The following SLC44A1 variants were observed in gnomAD, a reference collection of about 807,000 sequenced individuals.
SLC44A1 encodes the protein choline transporter-like protein 1.
In SLC44A1, 26 loss-of-function variants were observed where a neutral mutation model predicts 79.3. The observed-to-expected ratio is 0.33, with a 90% CI of 0.24 to 0.46. SLC44A1 has a LOEUF of 0.46. SLC44A1 is among the 20% of genes least tolerant of loss of function. The pLI is 1.00. For missense variants in SLC44A1, 688 were observed against 798.1 expected, an observed-to-expected ratio of 0.86 and a Z score of 1.66; for synonymous variants, 263 against 286.2, an observed-to-expected ratio of 0.92 and a Z score of 0.82.
intron 1 of SLC44A1, among the ~76,000 whole-genome samples, chr9:105,276,616 G>A (rs1037818921): frequency 2.2e-5 from 3 of 135,060 alleles, no homozygotes; most frequent in African/African-American, 6.2e-5. Context: ...GTGTGTGTGT[G>A]TGTATGTGCC....
chr9:105,376,145 G>A (rs1828274984), intron 13 of SLC44A1, among the ~76,000 whole-genome samples: 1 of 152,084 alleles, frequency 6.6e-6, no homozygotes, highest in Non-Finnish European at 1.5e-5. Flanking sequence ...AAGAAAATAT[G>A]TTTGGCATGG....
chr9:105,275,682 C>T (rs1830181852), intron 1 of SLC44A1, among the ~76,000 whole-genome samples: 1 of 152,180 alleles, frequency 6.6e-6, no homozygotes, highest in Non-Finnish European at 1.5e-5. Context: ...ATTTGATCTA[C>T]ATGTCTGGTT....
chr9:105,317,795 T>C (rs1831367360), intron 3 of SLC44A1, among the ~76,000 whole-genome samples: 1 of 152,226 alleles, frequency 6.6e-6, no homozygotes, highest in Admixed American at 6.5e-5. Context: ...TATACATTTG[T>C]CCATTGGACT....
At position 105,361,338 on chromosome 9, in the gene SLC44A1, T is replaced by C; in HGVS notation, c.900+8T>C. On this transcript the variant is annotated splice_region_variant and intron_variant, in intron 8 of 15. Coordinates refer to ENST00000374720, the MANE Select transcript of SLC44A1 (RefSeq NM_080546.5). ...TCAGCTACAGTGTTCACAGTGAGTT[T>C]AGGCTTTGGCGTGTCTTTCGGTTTT... The C allele has an allele frequency of 6.3e-7, 1 of 1,583,626 alleles. No homozygotes were observed. The highest frequency in any genetic ancestry group is 8.6e-7 in the Non-Finnish European group (1 of 1,167,488).
intron 1 of SLC44A1, among the ~76,000 whole-genome samples, chr9:105,259,481 G>C (rs1396848412): frequency 6.6e-6 from 1 of 152,176 alleles, no homozygotes; most frequent in Non-Finnish European, 1.5e-5. Context: ...TGCACATTAA[G>C]ATCAAATTAC....
intron 1 of SLC44A1, among the ~76,000 whole-genome samples, chr9:105,271,006 AC>A (rs1319075629): frequency 6.6e-6 from 1 of 152,244 alleles, no homozygotes; most frequent in African/African-American, 2.4e-5. Context: ...GCATCTTAAA[AC>A]GGTAAAAACT....
rs902151013 is a variant in SLC44A1, at chr9:105,268,727, A to T, written c.36+23823A>T. Among the ~76,000 whole-genome samples the T allele has an allele frequency of 8.1e-5, 12 of 149,068 alleles. No individual in the cohort carries two copies. In the South Asian group the frequency reaches 8.3e-4, roughly 10 times the overall value. ...GTTAATCAGGCTGGTCTCGAACTCC[A>T]ACCTCAGGTGATCCGCCCGCCTTGG... On this transcript the variant is annotated intron_variant, in intron 1 of 15. Coordinates refer to ENST00000374720, the MANE Select transcript of SLC44A1 (RefSeq NM_080546.5).
At chr9:105,280,286 G>A (rs777494500) in intron 1 of SLC44A1, among the ~76,000 whole-genome samples, 23 of 152,192 alleles carry the variant, frequency 1.5e-4, no homozygotes, top group Non-Finnish European at 3.2e-4. Flanking sequence ...TAGGATTCCA[G>A]GTCTAGCTCT....
intron 14 of SLC44A1, among the ~76,000 whole-genome samples, chr9:105,384,578 C>G (rs1410838): frequency 0.98 from 148,490 of 152,290 alleles, 72,398 homozygotes; most frequent in East Asian, 1. Flanking sequence ...CAGCTAAATT[C>G]TGGACATTTT....
chr9:105,278,027 C>T (rs1244604406), intron 1 of SLC44A1, among the ~76,000 whole-genome samples: 2 of 151,584 alleles, frequency 1.3e-5, no homozygotes, highest in Non-Finnish European at 2.9e-5. Flanking sequence ...CCTTCTTAAT[C>T]CATTGTTTCA....
intron 1 of SLC44A1, among the ~76,000 whole-genome samples, chr9:105,259,673 G>A (rs1372495989): frequency 6.6e-6 from 1 of 152,160 alleles, no homozygotes; most frequent in Admixed American, 6.5e-5. Flanking sequence ...ACAGGTGTTG[G>A]AAGACAATTC....
chr9:105,268,239 A>G (rs558193419), intron 1 of SLC44A1, among the ~76,000 whole-genome samples: 3 of 152,114 alleles, frequency 2.0e-5, no homozygotes, highest in Admixed American at 1.3e-4. Context: ...TTAAACCATG[A>G]ATTCCTGAGT....
intron 1 of SLC44A1, among the ~76,000 whole-genome samples, chr9:105,289,249 A>C (rs986684887): frequency 1.1e-4 from 17 of 152,244 alleles, no homozygotes; most frequent in African/African-American, 1.4e-4. Flanking sequence ...CATAGGAGTT[A>C]ACAAAGTCAA....
intron 15 of SLC44A1, among the ~76,000 whole-genome samples, chr9:105,417,002 C>T (rs1829179987): frequency 6.6e-6 from 1 of 152,186 alleles, no homozygotes; most frequent in Non-Finnish European, 1.5e-5. Context: ...TACATTTGAC[C>T]TGTGTGCTGT....
intron 1 of SLC44A1, among the ~76,000 whole-genome samples, chr9:105,295,447 A>G (rs1830699128): frequency 6.6e-6 from 1 of 152,230 alleles, no homozygotes; most frequent in African/African-American, 2.4e-5. Flanking sequence ...AAAACAGTTT[A>G]CTTTTGCTAG....
At chr9:105,332,100 T>G (rs551735832) in intron 3 of SLC44A1, among the ~76,000 whole-genome samples, 68 of 151,752 alleles carry the variant, frequency 4.5e-4, no homozygotes, top group South Asian at 2.1e-3. Flanking sequence ...TAATATCTTT[T>G]CTTTTCCTTC....
Position 105,396,141 on chromosome 9 carries a change from C to T in SLC44A1, c.*7085C>T. The T allele has an allele frequency of 3.0e-6, 3 of 985,258 alleles. No homozygotes were observed. Among genetic ancestry groups the T allele is most frequent in the South Asian group, 4.7e-5 (1 of 21,276 alleles). The allele number at this position is 985,258 out of a possible 1,614,324, so 61.0% of individuals were successfully genotyped here. ...CTTCTGCTGTGTTGCCTTAATGCTA[C>T]TAGATTGTGTTGTGTTGTTGGAGTT... On this transcript the variant is annotated 3_prime_UTR_variant, in exon 16 of 16. Coordinates refer to ENST00000374720, the MANE Select transcript of SLC44A1 (RefSeq NM_080546.5).
chr9:105,332,118 C>CTTTTT (rs34173274), intron 3 of SLC44A1, among the ~76,000 whole-genome samples: 1 of 128,242 alleles, frequency 7.8e-6, no homozygotes, highest in Non-Finnish European at 1.7e-5. Flanking sequence ...TTCTTTGTTT[C>CTTTTT]TTTTTTTTTT....
chr9:105,299,536 G>C (rs868471300), intron 2 of SLC44A1, among the ~76,000 whole-genome samples: 2 of 152,200 alleles, frequency 1.3e-5, no homozygotes, highest in Non-Finnish European at 2.9e-5. Context: ...ATCATTTGAC[G>C]TAAGTCTCTG....
Sources: allele counts gnomAD v4.1 joint callset (sites outside exome capture counted in the v4.1 genomes callset), GRCh38; gene constraint gnomAD v4.1.1; transcripts MANE v1.5; gene names NCBI Gene and HGNC (gene_info 2026-07-23, HGNC 2026-07-21).